The following BARX2 variants were observed in gnomAD, a reference collection of about 807,000 sequenced individuals.
The protein encoded by BARX2 is homeobox protein BarH-like 2.
Under a neutral mutation model 25.5 loss-of-function variants are expected in BARX2, and 11 were observed. The ratio of observed to expected loss-of-function variants is 0.43; its 90% CI spans 0.27 to 0.71. The LOEUF (loss-of-function observed/expected upper bound fraction) is 0.71. BARX2 is among the 30% of genes least tolerant of loss of function. BARX2 has a pLI of 0.19. For synonymous variants in BARX2, 137 were observed against 149.5 expected, an observed-to-expected ratio of 0.92 and a Z score of 0.61; for missense variants, 360 against 359.9, an observed-to-expected ratio of 1.00 and a Z score of 0.00.
At chr11:129,418,098 G>C (rs1330985828) in intron 1 of BARX2, among the ~76,000 whole-genome samples, 2 of 152,154 alleles carry the variant, frequency 1.3e-5, no homozygotes, top group Admixed American at 1.3e-4. Context: ...ATTTGTTTTT[G>C]CACTTTGTTT....
chr11:129,379,034 G>A (rs1387353974), intron 1 of BARX2, among the ~76,000 whole-genome samples: 6 of 152,070 alleles, frequency 3.9e-5, no homozygotes, highest in Non-Finnish European at 5.9e-5. Flanking sequence ...TAGCCTTGAT[G>A]GAATCCTCAC....
chr11:129,437,161 A>G, intron 2 of BARX2, 110 bp downstream of exon 2: 2 of 1,220,962 alleles, frequency 1.6e-6, no homozygotes, highest in Non-Finnish European at 2.2e-6. Flanking sequence ...GCAGGACACT[A>G]TGGCGGAGTC....
chr11:129,441,858 G>A (rs1431674488), intron 2 of BARX2, among the ~76,000 whole-genome samples: 2 of 152,190 alleles, frequency 1.3e-5, no homozygotes, highest in East Asian at 3.8e-4. Flanking sequence ...TGTAAAATGG[G>A]AACAATTACA....
chr11:129,384,258 A>G (rs114118785), intron 1 of BARX2, among the ~76,000 whole-genome samples: 83 of 151,828 alleles, frequency 5.5e-4, no homozygotes, highest in African/African-American at 1.9e-3. Context: ...AAACCAACAT[A>G]TGCATTTGGT....
At chr11:129,448,171 G>A (rs1388265850) in intron 3 of BARX2, among the ~76,000 whole-genome samples, 1 of 152,168 alleles carries the variant, frequency 6.6e-6, no homozygotes, top group Non-Finnish European at 1.5e-5. Flanking sequence ...CATCTAAATG[G>A]TGAGAGTGAA....
intron 2 of BARX2, chr11:129,438,182 G>A (rs929112327): frequency 6.6e-6 from 1 of 152,120 alleles, no homozygotes; most frequent in African/African-American, 2.4e-5. Flanking sequence ...AATTAGCTGG[G>A]TGTAGTGGCA....
chr11:129,410,485 T>C (rs1254357617), intron 1 of BARX2, among the ~76,000 whole-genome samples: 1 of 152,248 alleles, frequency 6.6e-6, no homozygotes, highest in Non-Finnish European at 1.5e-5. Context: ...TGTTTGAGGC[T>C]TTCCTCAGAT....
intron 1 of BARX2, among the ~76,000 whole-genome samples, chr11:129,424,159 T>G (rs1862039085): frequency 6.6e-6 from 1 of 152,244 alleles, no homozygotes; most frequent in South Asian, 2.1e-4. Context: ...ATCCTCTTGT[T>G]TCTTAAATCT....
intron 3 of BARX2, among the ~76,000 whole-genome samples, chr11:129,448,655 C>A (rs1862359106): frequency 6.6e-6 from 1 of 152,146 alleles, no homozygotes; most frequent in Non-Finnish European, 1.5e-5. Context: ...GAATTGGAAC[C>A]CTCATATGCA....
chr11:129,386,992 A>G (rs1464373680), intron 1 of BARX2, among the ~76,000 whole-genome samples: 1 of 152,254 alleles, frequency 6.6e-6, no homozygotes, highest in African/African-American at 2.4e-5. Flanking sequence ...GCTAAGCACG[A>G]GGACTGTGCC....
intron 1 of BARX2, among the ~76,000 whole-genome samples, chr11:129,379,016 C>T (rs1056441744): frequency 6.6e-6 from 1 of 152,044 alleles, no homozygotes; most frequent in Non-Finnish European, 1.5e-5. Flanking sequence ...ATTTATTGTT[C>T]GACATTCTAG....
At chr11:129,428,015 C>G (rs373893443) in intron 1 of BARX2, among the ~76,000 whole-genome samples, 1 of 152,120 alleles carries the variant, frequency 6.6e-6, no homozygotes, top group African/African-American at 2.4e-5. Context: ...TCAAAAAGGC[C>G]GAACATTTGG....
chr11:129,401,892 G>T (rs920180448), intron 1 of BARX2, among the ~76,000 whole-genome samples: 1 of 151,146 alleles, frequency 6.6e-6, no homozygotes, highest in Non-Finnish European at 1.5e-5. Context: ...GAAGGCAGAG[G>T]TTGTAGTGAG....
intron 1 of BARX2, among the ~76,000 whole-genome samples, chr11:129,385,908 T>C (rs1861613026): frequency 6.6e-6 from 1 of 152,236 alleles, no homozygotes; most frequent in African/African-American, 2.4e-5. Context: ...TTTTCTATCC[T>C]GAAACAGTAG....
intron 1 of BARX2, among the ~76,000 whole-genome samples, chr11:129,388,306 C>T (rs1287858839): frequency 2.0e-5 from 3 of 151,822 alleles, no homozygotes; most frequent in Non-Finnish European, 2.9e-5. Context: ...TGGGGTTTTG[C>T]GGGGAAGGGA....
intron 1 of BARX2, among the ~76,000 whole-genome samples, chr11:129,385,036 A>T (rs1861604291): frequency 6.6e-6 from 1 of 152,188 alleles, no homozygotes; most frequent in African/African-American, 2.4e-5. Context: ...GGAAGATCTC[A>T]ATGGCCAGTA....
At chr11:129,399,393 C>G (rs923271230) in intron 1 of BARX2, among the ~76,000 whole-genome samples, 3 of 152,208 alleles carry the variant, frequency 2.0e-5, no homozygotes, top group African/African-American at 4.8e-5. Context: ...CTCTGTCTCT[C>G]TCTCTCTCTT....
intron 2 of BARX2, chr11:129,437,750 G>A (rs1412678597): frequency 3.9e-5 from 6 of 152,562 alleles, no homozygotes. Context: ...GTCTGGGCCG[G>A]GTATTGTGGC....
intron 1 of BARX2, among the ~76,000 whole-genome samples, chr11:129,411,371 C>CAAA (rs34667411): frequency 7.2e-4 from 39 of 53,796 alleles, no homozygotes; most frequent in South Asian, 2.3e-3. Flanking sequence ...ACTCCATCTC[C>CAAA]AAAAAAAAAA....
Sources: gnomAD v4.1 joint callset for allele counts (sites outside exome capture counted in the v4.1 genomes callset) on GRCh38, gnomAD v4.1.1 for gene constraint, MANE v1.5 for transcripts, NCBI Gene and HGNC (gene_info 2026-07-23, HGNC 2026-07-21) for gene names.